STC2: variants seen among roughly 807,000 people sequenced by gnomAD.
STC2 encodes the protein stanniocalcin-2.
Under a neutral mutation model 22.7 loss-of-function variants are expected in STC2, and 7 were observed. That is an observed-to-expected ratio of 0.31 (90% CI 0.18 to 0.58). The LOEUF is 0.58. Among genes scored for constraint, STC2 ranks in the 20% least tolerant of loss-of-function variants. The pLI is 0.89. For missense variants in STC2, 336 were observed against 406.2 expected (o/e 0.83, Z 1.48); for synonymous variants, 158 against 163.4 (o/e 0.97, Z 0.25).
rs115377463 is a variant in STC2, at chr5:173,321,030, A to G, written c.506+2189T>C. On this transcript the variant is annotated intron_variant, in intron 3 of 3. Transcript: ENST00000265087. ...GGAGTTAGGGGAGACCCCTGCCTAG[A>G]GATGCTGACTTAGGGGGAAGCAAGA... Among the ~76,000 whole-genome samples, 797 of 152,050 alleles carry G rather than the reference A, an allele frequency of 5.2e-3. 5 individuals carry two copies. Among genetic ancestry groups the G allele is most frequent in the African/African-American group, 0.018 (734 of 41,460 alleles).
chr5:173,328,246 C>T lies in STC2; in HGVS notation c.-53G>A. 1 of 1,391,920 alleles carries T rather than the reference C, an allele frequency of 7.2e-7. No homozygotes were observed. Among genetic ancestry groups the T allele is most frequent in the Non-Finnish European group, 9.4e-7 (1 of 1,064,328 alleles). The allele number at this position is 1,391,920 out of a possible 1,614,324, so 86.2% of individuals were successfully genotyped here. On this transcript the variant is annotated 5_prime_UTR_variant, in exon 1 of 4. Coordinates refer to ENST00000265087, the MANE Select transcript of STC2 (RefSeq NM_003714.3). Reference sequence around the variant, plus strand: ...AGACCTGGATCCTTTGTGCTCCCCTCTTCCTCCTCCTCCTCTTCCTCCTTC... The same window carrying T: ...AGACCTGGATCCTTTGTGCTCCCCTTTTCCTCCTCCTCCTCTTCCTCCTTC...
chr5:173,318,091 G>A lies in STC2; in HGVS notation c.665C>T (p.Pro222Leu). ...GTCCACCTGGGGCTGGCGCTCGGGG[G>A]GCGCCGTGGGAGGCTTCTGGATGGC... The part of the protein sequence containing the change: ...TSAIQKPPTA[P>L]PERQPQVDRT... The change falls in exon 4 of 4, where the codon CCC (proline) becomes CTC (leucine). Residue 222 changes from proline (P) to leucine (L), a missense_variant. Transcript: ENST00000265087. 1.9e-6 allele frequency: 3 copies of A among 1,607,524 alleles called. No homozygotes were observed. The highest frequency in any genetic ancestry group is 1.1e-5 in the South Asian group (1 of 90,842).
In STC2 at chr5:173,328,036, C is replaced by CACTT. The variant is rs752511707; in HGVS notation, c.151+3_151+6dup. The stretch of plus-strand genomic sequence containing the variant: ...TAGCTCCCGGCTGCGGGGGCACATG[C>CACTT]ACTTACCTGTATTCTGCAGGGACAG... On this transcript the variant is annotated splice_region_variant and intron_variant, in intron 1 of 3. Coordinates refer to ENST00000265087, the MANE Select transcript of STC2 (RefSeq NM_003714.3). The CACTT allele has an allele frequency of 6.5e-7, 1 of 1,535,922 alleles. No individual in the cohort carries two copies. The highest frequency in any genetic ancestry group is 8.8e-7 in the Non-Finnish European group (1 of 1,139,996).
Position 173,323,445 on chromosome 5 carries a change from G to A in STC2, c.295-15C>T. On this transcript the variant is annotated splice_polypyrimidine_tract_variant and intron_variant, in intron 2 of 3. Coordinates refer to ENST00000265087, the MANE Select transcript of STC2 (RefSeq NM_003714.3). The surrounding 1 kb of genome is among the most constrained non-coding windows in gnomAD (Gnocchi z 5.4). Reference sequence around the variant, plus strand: ...AATGACTTGCCCTGAGAACACACAGGCCGGGGAAGGGAGAGAGGGGCAGAA... The same window carrying A: ...AATGACTTGCCCTGAGAACACACAGACCGGGGAAGGGAGAGAGGGGCAGAA... 3.1e-6 allele frequency: 5 copies of A among 1,594,718 alleles called. No individual in the cohort carries two copies. The highest frequency in any genetic ancestry group is 4.3e-6 in the Non-Finnish European group (5 of 1,169,246).
In STC2 at chr5:173,318,038, C is replaced by T. The variant is rs375944211; in HGVS notation, c.718G>A (p.Gly240Arg). ...DRTKLSRAHHGEAGHHLPEPS... is the reference protein window; with the variant it reads ...DRTKLSRAHHREAGHHLPEPS... ...TCTGGGAGGTGATGTCCTGCTTCCC[C>T]GTGGTGGGCCCTGGAGAGCTTGGTT... The change falls in exon 4 of 4, where the codon GGG becomes AGG. Residue 240 changes from glycine to arginine, a missense_variant. Coordinates refer to ENST00000265087, the MANE Select transcript of STC2 (RefSeq NM_003714.3). The T allele has an allele frequency of 2.5e-6, 4 of 1,612,006 alleles. No individual in the cohort carries two copies. The highest frequency in any genetic ancestry group is 1.1e-5 in the South Asian group (1 of 90,978).
Position 173,317,682 on chromosome 5 carries a change from C to G in STC2, c.*165G>C. The G allele has an allele frequency of 1.1e-6, 1 of 934,166 alleles. No individual in the cohort carries two copies. Among genetic ancestry groups the G allele is most frequent in the South Asian group, 2.5e-5 (1 of 40,684 alleles). 57.9% of individuals were successfully genotyped at this position (934,166 alleles called of 1,614,324 possible). The stretch of plus-strand genomic sequence containing the variant: ...TGAGACCCCACGGCCCCAGGGGTCT[C>G]CATCTCACCTGTCCGTTCCGCGAAC... On this transcript the variant is annotated 3_prime_UTR_variant, in exon 4 of 4. Coordinates refer to ENST00000265087, the MANE Select transcript of STC2 (RefSeq NM_003714.3).
chr5:173,323,436 AAC>A lies in STC2; in HGVS notation c.295-8_295-7del, dbSNP rs1433043083. The A allele has an allele frequency of 6.2e-7, 1 of 1,604,472 alleles. No homozygotes were observed. Among genetic ancestry groups the A allele is most frequent in the East Asian group, 2.2e-5 (1 of 44,606 alleles). ...TCTTTGATGAATGACTTGCCCTGAG[AAC>A]ACACAGGCCGGGGAAGGGAGAGAGG... On this transcript the variant is annotated splice_polypyrimidine_tract_variant and splice_region_variant and intron_variant, in intron 2 of 3. Coordinates refer to ENST00000265087, the MANE Select transcript of STC2 (RefSeq NM_003714.3). This position sits in a 1 kb window ranked among gnomAD's most constrained non-coding sequence, Gnocchi z 5.4.
At chr5:173,326,150 C>A in intron 1 of STC2, 140 bp from the exon 2 acceptor site, 1 of 907,982 alleles carries the variant, frequency 1.1e-6, no homozygotes, top group South Asian at 2.5e-5. Context: ...ATTTCAGGAC[C>A]TAAAAAGCCT....
intron 3 of STC2, among the ~76,000 whole-genome samples, chr5:173,321,121 G>C (rs1270267119): frequency 3.9e-5 from 6 of 151,984 alleles, no homozygotes; most frequent in Admixed American, 3.9e-4. Context: ...TGGGGTGGGG[G>C]GTCATAGGCT....
chr5:173,327,488 C>A (rs1055404581), intron 1 of STC2, among the ~76,000 whole-genome samples: 1 of 152,262 alleles, frequency 6.6e-6, no homozygotes, highest in Non-Finnish European at 1.5e-5. Flanking sequence ...GTACGCTTTG[C>A]GCTGCCCTCA....
chr5:173,314,863 G>A lies in STC2; in HGVS notation c.*2984C>T, dbSNP rs1465789642. 6.6e-6 allele frequency: 1 copy of A among 152,184 alleles called. No individual in the cohort carries two copies. The highest frequency in any genetic ancestry group is 2.4e-5 in the African/African-American group (1 of 41,458). 9.4% of individuals were successfully genotyped at this position (152,184 alleles called of 1,614,324 possible). On this transcript the variant is annotated 3_prime_UTR_variant, in exon 4 of 4. Transcript: ENST00000265087. The surrounding 1 kb of genome is among the most constrained non-coding windows in gnomAD (Gnocchi z 4.6). Reference sequence around the variant, plus strand: ...CGTGGTGCCAATTCTGAGATCAGACGGGGTTGTTCCTCCTTAGGAAGTGGC... The same window carrying A: ...CGTGGTGCCAATTCTGAGATCAGACAGGGTTGTTCCTCCTTAGGAAGTGGC...
In STC2 at chr5:173,315,429, G is replaced by A. The variant is rs1490668053; in HGVS notation, c.*2418C>T. The A allele has an allele frequency of 6.6e-6, 1 of 152,174 alleles. No homozygotes were observed. Among genetic ancestry groups the A allele is most frequent in the Non-Finnish European group, 1.5e-5 (1 of 68,022 alleles). The allele number at this position is 152,174 out of a possible 1,614,324, so 9.4% of individuals were successfully genotyped here. ...AGTGGCATGAAAAATATACAACAGAGATCAGTAAATGGGTTCAAATGAACA... is the reference window on the plus strand; with the variant it reads ...AGTGGCATGAAAAATATACAACAGAAATCAGTAAATGGGTTCAAATGAACA... On this transcript the variant is annotated 3_prime_UTR_variant, in exon 4 of 4. Transcript: ENST00000265087.
rs968649484 is a variant in STC2, at chr5:173,319,989, G to A, written c.507-1740C>T. 3.9e-5 allele frequency among the ~76,000 whole-genome samples: 6 copies of A among 152,224 alleles called. No homozygotes were observed. In the East Asian group the frequency reaches 1.2e-3, roughly 29 times the overall value. On this transcript the variant is annotated intron_variant, in intron 3 of 3. Transcript: ENST00000265087. ...AGGCAATATGAGGGAAATGCTCCAC[G>A]CGTGCTTGTTTCCTTCTATTTTTTG... is the stretch of plus-strand genomic sequence containing the variant.
At chr5:173,320,108 C>T (rs1371486635) in intron 3 of STC2, among the ~76,000 whole-genome samples, 1 of 152,236 alleles carries the variant, frequency 6.6e-6, no homozygotes, top group African/African-American at 2.4e-5. Flanking sequence ...TGCCGCGGCA[C>T]CAGGGCTAGG....
rs1290162772 is a variant in STC2, at chr5:173,315,710, C to T, written c.*2137G>A. 1.3e-5 allele frequency: 2 copies of T among 152,158 alleles called. No homozygotes were observed. The highest frequency in any genetic ancestry group is 3.8e-4 in the East Asian group (2 of 5,198). The allele number at this position is 152,158 out of a possible 1,614,324, so 9.4% of individuals were successfully genotyped here. On this transcript the variant is annotated 3_prime_UTR_variant, in exon 4 of 4. Transcript: ENST00000265087. Reference sequence around the variant, plus strand: ...TCAGTAAAACAGTCAACGTGCCTGCCGCGGTGGCTCACTGCAGGAGACAGC... The same window carrying T: ...TCAGTAAAACAGTCAACGTGCCTGCTGCGGTGGCTCACTGCAGGAGACAGC...
Position 173,317,756 on chromosome 5 carries a change from TCC to T in STC2, c.*89_*90del, listed in dbSNP as rs1201771281. 1.4e-6 allele frequency: 2 copies of T among 1,452,904 alleles called. No homozygotes were observed. Among genetic ancestry groups the T allele is most frequent in the Non-Finnish European group, 1.8e-6 (2 of 1,091,684 alleles). 90.0% of individuals were successfully genotyped at this position (1,452,904 alleles called of 1,614,324 possible). ...TCCCCACAGAATCCTGCGTGTGACA[TCC>T]CCCCTCTCTAATGGTAAATGTTTTG... On this transcript the variant is annotated 3_prime_UTR_variant, in exon 4 of 4. Coordinates refer to ENST00000265087, the MANE Select transcript of STC2 (RefSeq NM_003714.3).
In STC2 at chr5:173,314,941, C is replaced by T. The variant is rs922860935; in HGVS notation, c.*2906G>A. 1 of 152,064 alleles carries T rather than the reference C, an allele frequency of 6.6e-6. No homozygotes were observed. Among genetic ancestry groups the T allele is most frequent in the African/African-American group, 2.4e-5 (1 of 41,388 alleles). The allele number at this position is 152,064 out of a possible 1,614,324, so 9.4% of individuals were successfully genotyped here. A position where few individuals can be genotyped will look rare whatever the true frequency, so the allele number is the denominator to read the frequency against. ...TTTCCGTGAAGCCTTTTGCTTGGTT[C>T]GAGTTTAAATTTCTCCCTTTGTGTG... On this transcript the variant is annotated 3_prime_UTR_variant, in exon 4 of 4. Coordinates refer to ENST00000265087, the MANE Select transcript of STC2 (RefSeq NM_003714.3). This position sits in a 1 kb window ranked among gnomAD's most constrained non-coding sequence, Gnocchi z 4.6.
chr5:173,322,934 G>C lies in STC2; in HGVS notation c.506+285C>G. 3 of 449,660 alleles carry C rather than the reference G, an allele frequency of 6.7e-6. No individual in the cohort carries two copies. In the South Asian group the frequency reaches 7.2e-5, roughly 11 times the overall value. The allele number at this position is 449,660 out of a possible 1,614,324, so 27.9% of individuals were successfully genotyped here. ...GAGCTAGTGGGTTCTTGGCTAAGGG[G>C]AAGATGAAGAGTATTACTGAATCGA... On this transcript the variant is annotated intron_variant, in intron 3 of 3. Transcript: ENST00000265087.
At chr5:173,318,898 G>A (rs1404475389) in intron 3 of STC2, among the ~76,000 whole-genome samples, 1 of 152,218 alleles carries the variant, frequency 6.6e-6, no homozygotes, top group African/African-American at 2.4e-5. Flanking sequence ...TGAAGTGGGA[G>A]GGAGGAAGAC....
Sources: allele counts gnomAD v4.1 joint callset (sites outside exome capture counted in the v4.1 genomes callset), GRCh38; gene constraint gnomAD v4.1.1; non-coding constraint Gnocchi (gnomAD v3.1); transcripts MANE v1.5; gene names NCBI Gene and HGNC (gene_info 2026-07-23, HGNC 2026-07-21).